Variants in SEMA3F observed in about 807,000 individuals in gnomAD.
SEMA3F encodes semaphorin 3F.
A neutral mutation model predicts 98.5 loss-of-function variants in SEMA3F; 30 were observed. That is an observed-to-expected ratio of 0.30 (90% CI 0.23 to 0.41). The LOEUF is 0.41. SEMA3F is among the 10% of genes least tolerant of loss of function. The probability of loss-of-function intolerance (pLI) is 1.00; values close to 1 mark genes in which losing one functional copy is unlikely to be tolerated. For missense variants in SEMA3F, 866 were observed against 1,119.3 expected (o/e 0.77, Z 3.23); for synonymous variants, 380 against 444.8 (o/e 0.85, Z 1.83).
At chr3:50,162,358 G>C (rs562308320) in intron 2 of SEMA3F, among the ~76,000 whole-genome samples, 37 of 152,330 alleles carry the variant, frequency 2.4e-4, no homozygotes, top group Non-Finnish European at 4.6e-4. Context: ...CTCAGATTAG[G>C]GGGGCTCCTA....
chr3:50,179,680 A>G (rs1698951436), intron 7 of SEMA3F, among the ~76,000 whole-genome samples: 1 of 152,204 alleles, frequency 6.6e-6, no homozygotes, highest in South Asian at 2.1e-4. Context: ...CCCTTCATCC[A>G]TGATCTTATC....
chr3:50,171,197 G>A (rs62260773), intron 2 of SEMA3F, among the ~76,000 whole-genome samples: 7,963 of 152,248 alleles, frequency 0.052, 287 homozygotes, highest in Non-Finnish European at 0.078. Context: ...AGAGAGGGTC[G>A]AGGCCAATCC....
chr3:50,161,598 A>G (rs1698211253), intron 2 of SEMA3F, among the ~76,000 whole-genome samples: 1 of 152,240 alleles, frequency 6.6e-6, no homozygotes, highest in Non-Finnish European at 1.5e-5. Context: ...GCCTTTGCAC[A>G]GGCAGGTTCC....
intron 1 of SEMA3F, 55 bp from the exon 2 acceptor site, chr3:50,159,520 G>A: frequency 1.5e-6 from 1 of 673,164 alleles, no homozygotes; most frequent in Non-Finnish European, 2.6e-6. Context: ...ACCTTGGGTA[G>A]AAATTGAACT....
intron 13 of SEMA3F, 53 bp from the exon 14 acceptor site, chr3:50,185,390 A>C (rs1575409070): frequency 7.1e-7 from 1 of 1,403,194 alleles, no homozygotes; most frequent in Non-Finnish European, 9.9e-7. Context: ...TGAGGCTGGT[A>C]CCCCTTCCCC....
In SEMA3F at chr3:50,166,112, C is replaced by A. The variant is rs1484872798; in HGVS notation, c.112+6378C>A. Among the ~76,000 whole-genome samples, 1 of 152,100 alleles carries A rather than the reference C, an allele frequency of 6.6e-6. No homozygotes were observed. Among genetic ancestry groups the A allele is most frequent in the Non-Finnish European group, 1.5e-5 (1 of 68,016 alleles). On this transcript the variant is annotated intron_variant, in intron 2 of 18. Transcript: ENST00000002829. The surrounding 1 kb of genome is among the most constrained non-coding windows in gnomAD (Gnocchi z 4.7). ...CCCACTCTTCTTCCTTCCTTCCTCC[C>A]CCTACTCCCCCTTGCCTCCACCCCT...
intron 18 of SEMA3F, 77 bp from the exon 19 acceptor site, chr3:50,187,628 G>A: frequency 7.7e-7 from 1 of 1,298,234 alleles, no homozygotes; most frequent in African/African-American, 1.5e-5. Flanking sequence ...TGGCCACAAA[G>A]GTGGTCTGAT....
In SEMA3F at chr3:50,188,196, T is replaced by TAA. The variant is rs1375426622; in HGVS notation, c.*82_*83insAA. On this transcript the variant is annotated 3_prime_UTR_variant, in exon 19 of 19. Transcript: ENST00000002829. This position sits in a 1 kb window ranked among gnomAD's most constrained non-coding sequence, Gnocchi z 4.5. ...AAAGATATATATATATATATATATA[T>TAA]ATAAAATATCTATATTCTATACACA... The TAA allele has an allele frequency of 1.2e-4, 58 of 467,226 alleles. No homozygotes were observed. The East Asian group carries it at 2.7e-3, about 22-fold the overall frequency. 28.9% of individuals were successfully genotyped at this position (467,226 alleles called of 1,614,324 possible).
chr3:50,158,776 A>G lies in SEMA3F; in HGVS notation c.-48-799A>G, dbSNP rs1239111381. On this transcript the variant is annotated intron_variant, in intron 1 of 18. Transcript: ENST00000002829. This position sits in a 1 kb window ranked among gnomAD's most constrained non-coding sequence, Gnocchi z 4.8. Reference sequence around the variant, plus strand: ...AACAGCCAGCCTGCCTGGGGAGACAATATTTGAAAAACACAGTATTGAAAC... The same window carrying G: ...AACAGCCAGCCTGCCTGGGGAGACAGTATTTGAAAAACACAGTATTGAAAC... Among the ~76,000 whole-genome samples, 1 of 152,174 alleles carries G rather than the reference A, an allele frequency of 6.6e-6. No homozygotes were observed. The highest frequency in any genetic ancestry group is 1.5e-5 in the Non-Finnish European group (1 of 68,028).
At position 50,158,653 on chromosome 3, in the gene SEMA3F, G is replaced by A. The variant is rs540011238; in HGVS notation, c.-48-922G>A. ...ATTTTCAGTCTCGATGCCCCCACCC[G>A]CAGTGCATCCGGTTGGGGGTGGTGG... On this transcript the variant is annotated intron_variant, in intron 1 of 18. Coordinates refer to ENST00000002829, the MANE Select transcript of SEMA3F (RefSeq NM_004186.5). This position sits in a 1 kb window ranked among gnomAD's most constrained non-coding sequence, Gnocchi z 4.8. 5.9e-5 allele frequency among the ~76,000 whole-genome samples: 9 copies of A among 152,364 alleles called. No individual in the cohort carries two copies. Among genetic ancestry groups the A allele is most frequent in the Non-Finnish European group, 1.0e-4 (7 of 68,038 alleles).
At chr3:50,184,972 A>G (rs1699155121) in intron 13 of SEMA3F, among the ~76,000 whole-genome samples, 158 bp downstream of exon 13, 1 of 152,158 alleles carries the variant, frequency 6.6e-6, no homozygotes, top group African/African-American at 2.4e-5. Context: ...TTGATGGGAT[A>G]ACAGAGGCTA....
Position 50,182,143 on chromosome 3 carries a change from T to C in SEMA3F, c.644-141T>C, listed in dbSNP as rs532686225. On this transcript the variant is annotated intron_variant, in intron 7 of 18. Coordinates refer to ENST00000002829, the MANE Select transcript of SEMA3F (RefSeq NM_004186.5). The surrounding 1 kb of genome is among the most constrained non-coding windows in gnomAD (Gnocchi z 4.5). Reference sequence around the variant, plus strand: ...CCTCCCAGAGCCAGTGGTGAAACACTGACCAGCACTCCACTGGAGATAGGA... The same window carrying C: ...CCTCCCAGAGCCAGTGGTGAAACACCGACCAGCACTCCACTGGAGATAGGA... The C allele has an allele frequency of 9.8e-7, 1 of 1,016,402 alleles. No homozygotes were observed. The highest frequency in any genetic ancestry group is 1.5e-5 in the South Asian group (1 of 66,138). 63.0% of individuals were successfully genotyped at this position (1,016,402 alleles called of 1,614,324 possible).
At chr3:50,183,296 C>G in intron 11 of SEMA3F, 41 bp downstream of exon 11, 1 of 1,609,764 alleles carries the variant, frequency 6.2e-7, no homozygotes, top group Non-Finnish European at 8.5e-7. Flanking sequence ...GGGAGTGGCC[C>G]CGTTGGGGGA....
chr3:50,185,082 G>A (rs893542248), intron 13 of SEMA3F, among the ~76,000 whole-genome samples: 1 of 152,308 alleles, frequency 6.6e-6, no homozygotes, highest in African/African-American at 2.4e-5. Flanking sequence ...GGAAAGGGGT[G>A]GAGACAGATG....
intron 2 of SEMA3F, among the ~76,000 whole-genome samples, chr3:50,169,573 G>C (rs1460613672): frequency 6.6e-6 from 1 of 152,118 alleles, no homozygotes; most frequent in African/African-American, 2.4e-5. Context: ...CAGCACCCAG[G>C]CACACCACCC....
chr3:50,185,308 A>G, intron 13 of SEMA3F, 135 bp from the exon 14 acceptor site: 1 of 801,274 alleles, frequency 1.2e-6, no homozygotes, highest in Non-Finnish European at 2.0e-6. Context: ...ACCTGGGGAA[A>G]CTCTTCCACC....
intron 7 of SEMA3F, among the ~76,000 whole-genome samples, chr3:50,181,224 G>A (rs1699003739): frequency 6.6e-6 from 1 of 151,946 alleles, no homozygotes; most frequent in Non-Finnish European, 1.5e-5. Context: ...AGTGCACAAA[G>A]CCCAGTAAAC....
chr3:50,160,387 A>G (rs576822772), intron 2 of SEMA3F, among the ~76,000 whole-genome samples: 170 of 152,296 alleles, frequency 1.1e-3, no homozygotes, highest in African/African-American at 3.9e-3. Flanking sequence ...GGGAGGTTTC[A>G]GTGATGGGCT....
At chr3:50,185,759 CAG>C in intron 15 of SEMA3F, 52 bp downstream of exon 15, 1 of 1,609,592 alleles carries the variant, frequency 6.2e-7, no homozygotes, top group Non-Finnish European at 8.5e-7. Context: ...TGCATCCCCT[CAG>C]GGTCATGCCC....
Sources: gnomAD v4.1 joint callset for allele counts (sites outside exome capture counted in the v4.1 genomes callset) on GRCh38, gnomAD v4.1.1 for gene constraint, Gnocchi (gnomAD v3.1) non-coding constraint, MANE v1.5 for transcripts, NCBI Gene and HGNC (gene_info 2026-07-23, HGNC 2026-07-21) for gene names.